GRM8: variants seen among roughly 807,000 people sequenced by gnomAD.
The protein encoded by GRM8 is metabotropic glutamate receptor 8.
Under a neutral mutation model 87.2 loss-of-function variants are expected in GRM8, and 47 were observed. That is an observed-to-expected ratio of 0.54 (90% CI 0.43 to 0.69). The LOEUF (loss-of-function observed/expected upper bound fraction) is 0.69, where lower values mean the gene tolerates loss of function less well. Among genes scored for constraint, GRM8 ranks in the 30% least tolerant of loss-of-function variants. GRM8 has a pLI of 0.00. For missense variants in GRM8, 1,019 were observed against 1,139.2 expected (o/e 0.89, Z 1.52); for synonymous variants, 396 against 404.5 (o/e 0.98, Z 0.25).
chr7:126,978,882 G>A (rs751231085), intron 3 of GRM8, among the ~76,000 whole-genome samples: 3 of 152,094 alleles, frequency 2.0e-5, no homozygotes, highest in Non-Finnish European at 2.9e-5. Flanking sequence ...TTGTTTGCTC[G>A]TTAGAGAACT....
At chr7:127,060,541 T>C (rs1034598244) in intron 3 of GRM8, among the ~76,000 whole-genome samples, 2 of 152,170 alleles carry the variant, frequency 1.3e-5, no homozygotes, top group African/African-American at 2.4e-5. Flanking sequence ...GAATAAGTGA[T>C]ATATTTAGTA....
At chr7:127,067,829 T>C (rs1821283814) in intron 3 of GRM8, among the ~76,000 whole-genome samples, 1 of 152,220 alleles carries the variant, frequency 6.6e-6, no homozygotes, top group Admixed American at 6.5e-5. Flanking sequence ...TTCATTTTCA[T>C]CTTATTATTA....
chr7:126,940,764 T>A (rs944022259), intron 3 of GRM8, among the ~76,000 whole-genome samples: 1 of 150,966 alleles, frequency 6.6e-6, no homozygotes, highest in African/African-American at 2.5e-5. Context: ...CAATTTGTTG[T>A]TGTTGTTGTT....
intron 7 of GRM8, among the ~76,000 whole-genome samples, chr7:126,753,859 T>C (rs1396928235): frequency 1.3e-5 from 2 of 151,914 alleles, no homozygotes; most frequent in Non-Finnish European, 2.9e-5. Context: ...CCTCCGAATC[T>C]ACATTTTAAG....
intron 7 of GRM8, among the ~76,000 whole-genome samples, chr7:126,620,114 A>G (rs1201852222): frequency 1.3e-5 from 2 of 152,040 alleles, no homozygotes; most frequent in Admixed American, 1.3e-4. Context: ...ACACAGTGAG[A>G]CCCCCATCTC....
intron 3 of GRM8, among the ~76,000 whole-genome samples, chr7:127,083,618 GC>G (rs1563489709): frequency 6.8e-6 from 1 of 147,474 alleles, no homozygotes; most frequent in Admixed American, 6.9e-5. Context: ...CCTTTCCTAA[GC>G]CCCCATACTC....
chr7:126,442,400 A>G (rs536487190), intron 10 of GRM8, among the ~76,000 whole-genome samples: 4 of 152,172 alleles, frequency 2.6e-5, no homozygotes, highest in Non-Finnish European at 5.9e-5. Flanking sequence ...AAGAAAATAA[A>G]ATCTGTCCTT....
Position 126,841,406 on chromosome 7 carries a change from C to G in GRM8, c.1156+61136G>C, listed in dbSNP as rs555751454. Among the ~76,000 whole-genome samples the G allele has an allele frequency of 7.9e-5, 12 of 152,088 alleles. No homozygotes were observed. In the South Asian group the frequency reaches 8.3e-4, roughly 11 times the overall value. ...TTGACCATAGCACCTATGCTAGCCCCTCTGATATGGTGGCCTCAGAGAGTG... is the reference window on the plus strand; with the variant it reads ...TTGACCATAGCACCTATGCTAGCCCGTCTGATATGGTGGCCTCAGAGAGTG... On this transcript the variant is annotated intron_variant, in intron 6 of 10. Transcript: ENST00000339582.
At chr7:126,694,479 G>A (rs1434373774) in intron 7 of GRM8, among the ~76,000 whole-genome samples, 2 of 152,104 alleles carry the variant, frequency 1.3e-5, no homozygotes, top group African/African-American at 4.8e-5. Flanking sequence ...CACTTTTAAT[G>A]GAAGCTATTA....
chr7:127,008,034 T>G (rs911536148), intron 3 of GRM8, among the ~76,000 whole-genome samples: 2 of 152,006 alleles, frequency 1.3e-5, no homozygotes, highest in Non-Finnish European at 2.9e-5. Context: ...ATTGTTTCTT[T>G]GGCTTTCATA....
chr7:126,879,198 G>GAA (rs565093295), intron 6 of GRM8, among the ~76,000 whole-genome samples: 1 of 133,396 alleles, frequency 7.5e-6, no homozygotes, highest in Non-Finnish European at 1.6e-5. Context: ...CAGGGAGGAA[G>GAA]AAAAAAAAAA....
At chr7:126,690,017 A>C (rs1808631781) in intron 7 of GRM8, among the ~76,000 whole-genome samples, 1 of 152,210 alleles carries the variant, frequency 6.6e-6, no homozygotes, top group South Asian at 2.1e-4. Flanking sequence ...ACTGTGTGTA[A>C]ATAAAGTAGT....
At chr7:126,924,150 T>A (rs1030604366) in intron 3 of GRM8, among the ~76,000 whole-genome samples, 1 of 152,060 alleles carries the variant, frequency 6.6e-6, no homozygotes, top group African/African-American at 2.4e-5. Context: ...GAATCAAACA[T>A]CAGCAATAGG....
At chr7:126,807,117 A>T (rs1443549846) in intron 6 of GRM8, among the ~76,000 whole-genome samples, 2 of 152,212 alleles carry the variant, frequency 1.3e-5, no homozygotes, top group Non-Finnish European at 2.9e-5. Flanking sequence ...TGAGGACCTG[A>T]GACATGAAGT....
chr7:126,865,050 T>C (rs1282268507), intron 6 of GRM8, among the ~76,000 whole-genome samples: 1 of 152,230 alleles, frequency 6.6e-6, no homozygotes, highest in Non-Finnish European at 1.5e-5. Context: ...GACTTTTTAG[T>C]ACTGTGTTTG....
intron 7 of GRM8, among the ~76,000 whole-genome samples, chr7:126,708,283 T>G (rs1333022893): frequency 6.6e-6 from 1 of 152,050 alleles, no homozygotes; most frequent in Admixed American, 6.6e-5. Flanking sequence ...TTCGTGGGAA[T>G]GTAAATTAGT....
chr7:127,025,842 A>T (rs1816723799), intron 3 of GRM8, among the ~76,000 whole-genome samples: 1 of 151,840 alleles, frequency 6.6e-6, no homozygotes, highest in Non-Finnish European at 1.5e-5. Flanking sequence ...TTAGAATCAT[A>T]TCATTTCTAG....
At chr7:127,210,319 GT>G (rs1367236289) in intron 2 of GRM8, among the ~76,000 whole-genome samples, 1 of 152,088 alleles carries the variant, frequency 6.6e-6, no homozygotes, top group Non-Finnish European at 1.5e-5. Context: ...TTTGCATAGT[GT>G]TTTTTTAAAT....
intron 7 of GRM8, among the ~76,000 whole-genome samples, chr7:126,627,016 A>G (rs967763938): frequency 6.6e-6 from 1 of 152,186 alleles, no homozygotes; most frequent in Non-Finnish European, 1.5e-5. Flanking sequence ...TCCATTATTT[A>G]GACCTTCTCT....
Sources: allele counts gnomAD v4.1 joint callset (sites outside exome capture counted in the v4.1 genomes callset), GRCh38; gene constraint gnomAD v4.1.1; transcripts MANE v1.5; gene names NCBI Gene and HGNC (gene_info 2026-07-23, HGNC 2026-07-21).